CHPT1: variants seen among roughly 807,000 people sequenced by gnomAD.
The protein encoded by CHPT1 is choline phosphotransferase 1.
In CHPT1, 36 loss-of-function variants were observed where a neutral mutation model predicts 47.6. That is an observed-to-expected ratio of 0.76 (90% CI 0.58 to 1.00). CHPT1 has a LOEUF of 1.00. Ranked by LOEUF, CHPT1 falls within the 50% of genes least tolerant of loss-of-function variation. CHPT1 has a pLI of 0.00. For missense variants in CHPT1, 458 were observed against 498.1 expected, an observed-to-expected ratio of 0.92 and a Z score of 0.77; for synonymous variants, 194 against 186.3, an observed-to-expected ratio of 1.04 and a Z score of -0.33.
chr12:101,706,059 A>G (rs1951627366), intron 1 of CHPT1, among the ~76,000 whole-genome samples: 1 of 152,020 alleles, frequency 6.6e-6, no homozygotes, highest in South Asian at 2.1e-4. Flanking sequence ...ATTTTTAAAA[A>G]TAGAATACGT....
At chr12:101,719,901 G>C (rs1194234437) in intron 4 of CHPT1, 1 of 260,882 alleles carries the variant, frequency 3.8e-6, no homozygotes, top group Non-Finnish European at 7.1e-6. Flanking sequence ...CCTCACTACT[G>C]TACTTGGCTA....
chr12:101,724,841 T>C (rs9669539), intron 7 of CHPT1, among the ~76,000 whole-genome samples: 37,078 of 152,082 alleles, frequency 0.24, 5,086 homozygotes, highest in East Asian at 0.33. Flanking sequence ...AAATCAATAT[T>C]GGTAACACTT....
intron 1 of CHPT1, among the ~76,000 whole-genome samples, chr12:101,706,408 C>T (rs944396021): frequency 2.6e-5 from 4 of 151,812 alleles, no homozygotes; most frequent in African/African-American, 9.7e-5. Flanking sequence ...GAGAGGATCA[C>T]ATTCTAATAT....
intron 3 of CHPT1, among the ~76,000 whole-genome samples, chr12:101,716,242 A>G (rs1185774850): frequency 6.6e-6 from 1 of 152,180 alleles, no homozygotes; most frequent in African/African-American, 2.4e-5. Context: ...TATGGAAACT[A>G]AAAAAACTAC....
chr12:101,709,775 G>A (rs1290949506), intron 1 of CHPT1, among the ~76,000 whole-genome samples: 1 of 148,686 alleles, frequency 6.7e-6, no homozygotes, highest in Non-Finnish European at 1.5e-5. Context: ...TATTGTGTGA[G>A]GGGGAAAGTG....
rs147363015 is a variant in CHPT1 at position 101,699,562 on chromosome 12, A to C, written c.273+1428A>C. On this transcript the variant is annotated intron_variant, in intron 1 of 8. Transcript: ENST00000229266. ...GCCACCACGCCCGGCTAATTTTTGT[A>C]TTTTTAGTAGAGACGGGGTTTCACC... Among the ~76,000 whole-genome samples the C allele has an allele frequency of 4.4e-3, 662 of 151,566 alleles. 5 individuals are homozygous for C. Among genetic ancestry groups the C allele is most frequent in the Middle Eastern group, 0.01 (3 of 292 alleles).
At chr12:101,726,496 A>T in intron 8 of CHPT1, 92 bp downstream of exon 8, 2 of 1,524,444 alleles carry the variant, frequency 1.3e-6, no homozygotes, top group South Asian at 2.5e-5. Flanking sequence ...CCTGTGCAGG[A>T]GGCTAGTATA....
rs1198274042 is a variant in CHPT1 at position 101,726,302 on chromosome 12, T to G, written c.1074T>G (p.Ser358=). The G allele has an allele frequency of 6.2e-7, 1 of 1,605,276 alleles. No individual in the cohort carries two copies. ...YVVLWMAMVI[S]SFDMVIYFSA... Reference sequence around the variant, plus strand: ...CTTTTTTGCTTCTAAAGGTGATTTCTTCATTTGATATGGTGATATACTTTA... The same window carrying G: ...CTTTTTTGCTTCTAAAGGTGATTTCGTCATTTGATATGGTGATATACTTTA... The change falls in exon 8 of 9, where the codon TCT becomes TCG. Residue 358 remains serine, a synonymous_variant. Transcript: ENST00000229266.
At chr12:101,728,806 A>C (rs1952047441) in intron 8 of CHPT1, 95 bp from the exon 9 acceptor site, 9 of 1,445,294 alleles carry the variant, frequency 6.2e-6, no homozygotes, top group Non-Finnish European at 8.6e-6. Flanking sequence ...TCTTACAATG[A>C]AACAGGTTTA....
At chr12:101,700,342 G>A (rs61935722) in intron 1 of CHPT1, among the ~76,000 whole-genome samples, 1 of 149,768 alleles carries the variant, frequency 6.7e-6, no homozygotes, top group Non-Finnish European at 1.5e-5. Flanking sequence ...AAAAAAAAGG[G>A]TGGAGGGTGG....
intron 1 of CHPT1, among the ~76,000 whole-genome samples, chr12:101,709,390 A>C (rs1488239091): frequency 2.2e-5 from 2 of 89,226 alleles, no homozygotes; most frequent in South Asian, 6.5e-4. Flanking sequence ...ACCTGTGTCA[A>C]AAAAAAAAAA....
intron 1 of CHPT1, among the ~76,000 whole-genome samples, chr12:101,709,537 A>C (rs1951678142): frequency 6.7e-6 from 1 of 148,684 alleles, no homozygotes; most frequent in African/African-American, 2.4e-5. Flanking sequence ...GAGAAAATGC[A>C]ACCTATTTAA....
At chr12:101,706,099 C>T (rs1218266075) in intron 1 of CHPT1, among the ~76,000 whole-genome samples, 1 of 151,894 alleles carries the variant, frequency 6.6e-6, no homozygotes, top group East Asian at 1.9e-4. Flanking sequence ...TGCCTGTAAT[C>T]CCAGGACTTT....
At chr12:101,698,201 G>A (rs1951493607) in intron 1 of CHPT1, 67 bp downstream of exon 1, 32 of 1,370,566 alleles carry the variant, frequency 2.3e-5, no homozygotes, top group South Asian at 1.2e-4. Flanking sequence ...GAGGCGCCGG[G>A]GGAAGGGCGG....
intron 8 of CHPT1, chr12:101,726,680 T>G: frequency 2.4e-6 from 1 of 418,976 alleles, no homozygotes; most frequent in Non-Finnish European, 4.2e-6. Context: ...AGGACAACAG[T>G]GAACCCCTGT....
At chr12:101,716,316 G>A (rs1296728836) in intron 3 of CHPT1, among the ~76,000 whole-genome samples, 1 of 152,148 alleles carries the variant, frequency 6.6e-6, no homozygotes, top group East Asian at 1.9e-4. Context: ...AAGTGAAATT[G>A]ACCTGGGAGT....
At chr12:101,707,450 C>T (rs1951649174) in intron 1 of CHPT1, among the ~76,000 whole-genome samples, 1 of 152,122 alleles carries the variant, frequency 6.6e-6, no homozygotes, top group Non-Finnish European at 1.5e-5. Context: ...AAACTAAGCC[C>T]ATGAAGGCTC....
chr12:101,714,300 T>G (rs1007910877), intron 2 of CHPT1, 63 bp downstream of exon 2: 14 of 1,438,762 alleles, frequency 9.7e-6, no homozygotes, highest in Non-Finnish European at 1.2e-5. Flanking sequence ...CTGAGCTGTT[T>G]GGTCAGTTTT....
intron 8 of CHPT1, chr12:101,727,084 G>GAGTT (rs1043388694): frequency 7.2e-5 from 11 of 152,158 alleles, no homozygotes; most frequent in African/African-American, 2.2e-4. Context: ...TTGATATTTT[G>GAGTT]AGTTAAAATT....
Sources: gnomAD v4.1 joint callset for allele counts (sites outside exome capture counted in the v4.1 genomes callset) on GRCh38, gnomAD v4.1.1 for gene constraint, MANE v1.5 for transcripts, NCBI Gene and HGNC (gene_info 2026-07-23, HGNC 2026-07-21) for gene names.